PLEKHG3: variants seen among roughly 807,000 people sequenced by gnomAD.
The protein encoded by PLEKHG3 is pleckstrin homology and RhoGEF domain containing G3.
A neutral mutation model predicts 94.9 loss-of-function variants in PLEKHG3; 62 were observed. That is an observed-to-expected ratio of 0.65 (90% CI 0.53 to 0.81). The LOEUF is 0.81. Ranked by LOEUF, PLEKHG3 falls within the 30% of genes least tolerant of loss-of-function variation. PLEKHG3 has a pLI of 0.00. For synonymous variants in PLEKHG3, 614 were observed against 654.0 expected (o/e 0.94, Z 0.93); for missense variants, 1,461 against 1,619.3 (o/e 0.90, Z 1.68).
rs2081202848 is a variant in PLEKHG3, at chr14:64,718,244, G to A, written c.-39-9349G>A. On this transcript the variant is annotated intron_variant, in intron 1 of 16. Coordinates refer to ENST00000247226, the MANE Select transcript of PLEKHG3 (RefSeq NM_001308147.2). The surrounding 1 kb of genome is among the most constrained non-coding windows in gnomAD (Gnocchi z 5.0). ...CAAGGCATTGTTTTGTGAATACTCT[G>A]TTTATATGGCCATTTTTCCTTCTGA... Among the ~76,000 whole-genome samples, 1 of 152,162 alleles carries A rather than the reference G, an allele frequency of 6.6e-6. No homozygotes were observed. The highest frequency in any genetic ancestry group is 1.5e-5 in the Non-Finnish European group (1 of 68,042).
In PLEKHG3 at chr14:64,727,690, C is replaced by G. The variant is rs2081378466; in HGVS notation, c.59C>G (p.Thr20Ser). Reference sequence around the variant, plus strand: ...AGCCAGGAGCGGCCGGTGAGCCTGACCTCTACCACCTCCTCGTCGGGCTCC... The same window carrying G: ...AGCCAGGAGCGGCCGGTGAGCCTGAGCTCTACCACCTCCTCGTCGGGCTCC... ...DGSQERPVSLTSTTSSSGSSC... is the reference protein window; with the variant it reads ...DGSQERPVSLSSTTSSSGSSC... The change falls in exon 2 of 17, where the codon ACC becomes AGC. Residue 20 changes from threonine (T) to serine (S), a missense_variant. Coordinates refer to ENST00000247226, the MANE Select transcript of PLEKHG3 (RefSeq NM_001308147.2). The surrounding 1 kb of genome is among the most constrained non-coding windows in gnomAD (Gnocchi z 6.0). The G allele has an allele frequency of 6.2e-7, 1 of 1,612,452 alleles. No individual in the cohort carries two copies. Among genetic ancestry groups the G allele is most frequent in the South Asian group, 1.1e-5 (1 of 91,048 alleles).
At chr14:64,737,302 C>T (rs778574625) in intron 13 of PLEKHG3, 54 bp from the exon 14 acceptor site, 67 of 1,441,006 alleles carry the variant, frequency 4.6e-5, no homozygotes, top group Non-Finnish European at 1.3e-5. Flanking sequence ...CTCTTCCCCT[C>T]CCCTCCCCTG....
chr14:64,716,703 C>T lies in PLEKHG3; in HGVS notation c.-39-10890C>T, dbSNP rs1437906830. Among the ~76,000 whole-genome samples the T allele has an allele frequency of 6.6e-6, 1 of 152,106 alleles. No individual in the cohort carries two copies. The highest frequency in any genetic ancestry group is 1.5e-5 in the Non-Finnish European group (1 of 68,016). On this transcript the variant is annotated intron_variant, in intron 1 of 16. Transcript: ENST00000247226. The surrounding 1 kb of genome is among the most constrained non-coding windows in gnomAD (Gnocchi z 5.0). Reference sequence around the variant, plus strand: ...GTCTCCTCCCTGGTGGGCAGCGGACCCCGACCCTGGCACCCACCACTTCAT... The same window carrying T: ...GTCTCCTCCCTGGTGGGCAGCGGACTCCGACCCTGGCACCCACCACTTCAT...
rs1371968631 is a variant in PLEKHG3, at chr14:64,717,062, G to A, written c.-39-10531G>A. Among the ~76,000 whole-genome samples, 1 of 152,156 alleles carries A rather than the reference G, an allele frequency of 6.6e-6. No individual in the cohort carries two copies. The highest frequency in any genetic ancestry group is 1.9e-4 in the East Asian group (1 of 5,188). On this transcript the variant is annotated intron_variant, in intron 1 of 16. Coordinates refer to ENST00000247226, the MANE Select transcript of PLEKHG3 (RefSeq NM_001308147.2). This position sits in a 1 kb window ranked among gnomAD's most constrained non-coding sequence, Gnocchi z 4.7. ...CCCTGGGCCCTGTAGGATAGGGGAA[G>A]TGTGTGTGGCCCTGCTGGCTGAAGG...
intron 1 of PLEKHG3, among the ~76,000 whole-genome samples, chr14:64,706,628 C>A (rs868348825): frequency 5.9e-5 from 9 of 152,224 alleles, no homozygotes; most frequent in African/African-American, 2.2e-4. Flanking sequence ...CACAAGGAGA[C>A]GTTAGATACC....
At chr14:64,733,196 G>C (rs1274643238) in intron 12 of PLEKHG3, among the ~76,000 whole-genome samples, 1 of 127,756 alleles carries the variant, frequency 7.8e-6, no homozygotes, top group Non-Finnish European at 1.6e-5. Context: ...ATGGAGTCTT[G>C]CTCTGTTGCC....
rs1485113430 is a variant in PLEKHG3, at chr14:64,741,022, C to T, written c.1519-14C>T. On this transcript the variant is annotated splice_polypyrimidine_tract_variant and intron_variant, in intron 15 of 16. Coordinates refer to ENST00000247226, the MANE Select transcript of PLEKHG3 (RefSeq NM_001308147.2). ...GGCTTTTTACTCATGTGAGCCTTTT[C>T]TGCTATGTTTCAGGTTGAGCCGGAC... 1.3e-6 allele frequency: 2 copies of T among 1,551,998 alleles called. No homozygotes were observed. The highest frequency in any genetic ancestry group is 8.7e-7 in the Non-Finnish European group (1 of 1,148,208).
Position 64,732,320 on chromosome 14 carries a change from T to G in PLEKHG3, c.1213-107T>G. 7.9e-7 allele frequency: 1 copy of G among 1,261,616 alleles called. No homozygotes were observed. Among genetic ancestry groups the G allele is most frequent in the Non-Finnish European group, 1.2e-6 (1 of 860,508 alleles). 78.2% of individuals were successfully genotyped at this position (1,261,616 alleles called of 1,614,324 possible). On this transcript the variant is annotated intron_variant, in intron 10 of 16. Coordinates refer to ENST00000247226, the MANE Select transcript of PLEKHG3 (RefSeq NM_001308147.2). This position sits in a 1 kb window ranked among gnomAD's most constrained non-coding sequence, Gnocchi z 4.9. ...GTCAGTACAGCAGATGCCCCGGGCC[T>G]TGGTGCAGCACTGTGGGGTGTCCTC...
rs1166544853 is a variant in PLEKHG3 at position 64,715,450 on chromosome 14, T to G, written c.-40+10746T>G. Among the ~76,000 whole-genome samples the G allele has an allele frequency of 6.6e-6, 1 of 152,142 alleles. No individual in the cohort carries two copies. The highest frequency in any genetic ancestry group is 1.5e-5 in the Non-Finnish European group (1 of 68,018). ...GTGTTTTGCCTTATGTCTGGTATAC[T>G]CGAATAAATGCTAGCTGAGGTTATT... On this transcript the variant is annotated intron_variant, in intron 1 of 16. Transcript: ENST00000247226. This position sits in a 1 kb window ranked among gnomAD's most constrained non-coding sequence, Gnocchi z 4.4.
rs1215541932 is a variant in PLEKHG3 at position 64,741,285 on chromosome 14, C to G, written c.1768C>G (p.Pro590Ala). ...AGAAATGGGAGGTGCCGCCCAGGAG[C>G]CTGAGAGCCTTCTGCCACCCTCTGT... ...EEEMGGAAQEPESLLPPSVLD... is the reference protein window; with the variant it reads ...EEEMGGAAQEAESLLPPSVLD... The change falls in exon 16 of 17, where the codon CCT (proline) becomes GCT (alanine). Residue 590 changes from proline (P) to alanine (A), a missense_variant. By Grantham distance (27) the Pro-to-Ala change is conservative (BLOSUM62 -1). This residue lies in a region of PLEKHG3 where 1,201 missense variants were observed against 1,295.5 expected (regional missense o/e 0.93). Transcript: ENST00000247226. 6.2e-7 allele frequency: 1 copy of G among 1,613,812 alleles called. No individual in the cohort carries two copies. The highest frequency in any genetic ancestry group is 8.5e-7 in the Non-Finnish European group (1 of 1,180,010).
intron 15 of PLEKHG3, among the ~76,000 whole-genome samples, chr14:64,740,054 A>G (rs143479407): frequency 2.8e-4 from 43 of 152,368 alleles, no homozygotes; most frequent in Middle Eastern, 6.8e-3. Context: ...CATGTAATCA[A>G]CATAAAAAGT....
intron 1 of PLEKHG3, among the ~76,000 whole-genome samples, chr14:64,710,989 G>A (rs185948420): frequency 1.3e-5 from 2 of 152,186 alleles, no homozygotes; most frequent in Admixed American, 6.5e-5. Context: ...AGTGTGTAAC[G>A]GATTTTTAAA....
rs2081917463 is a variant in PLEKHG3, at chr14:64,749,882, C to T, written c.*6179C>T. On this transcript the variant is annotated 3_prime_UTR_variant, in exon 17 of 17. Coordinates refer to ENST00000247226, the MANE Select transcript of PLEKHG3 (RefSeq NM_001308147.2). The surrounding 1 kb of genome is among the most constrained non-coding windows in gnomAD (Gnocchi z 4.7). ...GATTTGAAAAACCCCTGAGGAGCAG[C>T]TCAGGCCTGGCACTGGTCCCCTACA... The T allele has an allele frequency of 1.9e-6, 3 of 1,555,660 alleles. No individual in the cohort carries two copies. Among genetic ancestry groups the T allele is most frequent in the South Asian group, 1.1e-5 (1 of 89,410 alleles).
chr14:64,742,417 G>C lies in PLEKHG3; in HGVS notation c.2900G>C (p.Cys967Ser). 6.2e-7 allele frequency: 1 copy of C among 1,612,130 alleles called. No individual in the cohort carries two copies. Among genetic ancestry groups the C allele is most frequent in the South Asian group, 1.1e-5 (1 of 91,074 alleles). ...ERDGKSPTVP[C>S]LQEEAGEPLG... ...GATGGGAAGAGCCCCACTGTGCCCT[G>C]TCTACAGGAAGAGGCTGGAGAGCCA... The change falls in exon 16 of 17, where the codon TGT becomes TCT. Residue 967 changes from cysteine (C) to serine (S), a missense_variant. By Grantham distance (112) the Cys-to-Ser change is moderately radical. Around this residue, in one of 3 missense-constraint regions of PLEKHG3, gnomAD observed 1,201 missense variants for 1,295.5 expected, o/e 0.93. Coordinates refer to ENST00000247226, the MANE Select transcript of PLEKHG3 (RefSeq NM_001308147.2).
rs145799722 is a variant in PLEKHG3, at chr14:64,743,107, G to C, written c.3064G>C (p.Val1022Leu). 6.2e-7 allele frequency: 1 copy of C among 1,612,792 alleles called. No individual in the cohort carries two copies. The highest frequency in any genetic ancestry group is 1.1e-5 in the South Asian group (1 of 91,086). Residue 1022 changes from valine (V) to leucine (L), a missense_variant, in exon 17 of 17, where the codon GTC becomes CTC. By Grantham distance (32) the Val-to-Leu change is conservative. Coordinates refer to ENST00000247226, the MANE Select transcript of PLEKHG3 (RefSeq NM_001308147.2). The surrounding 1 kb of genome is among the most constrained non-coding windows in gnomAD (Gnocchi z 7.2). Reference protein sequence around the residue: ...PQRFFFNPSAVSQRTTSPGGR... With the variant: ...PQRFFFNPSALSQRTTSPGGR... ...GCGTTTCTTCTTCAACCCGTCTGCTGTCAGCCAGAGGACCACCTCGCCTGG... is the reference window on the plus strand; with the variant it reads ...GCGTTTCTTCTTCAACCCGTCTGCTCTCAGCCAGAGGACCACCTCGCCTGG...
intron 1 of PLEKHG3, among the ~76,000 whole-genome samples, chr14:64,711,722 T>C (rs1281829901): frequency 6.6e-6 from 1 of 152,242 alleles, no homozygotes; most frequent in Non-Finnish European, 1.5e-5. Flanking sequence ...AAGAGTTCTT[T>C]ATATATTCTG....
At chr14:64,719,406 A>G (rs1594671409) in intron 1 of PLEKHG3, among the ~76,000 whole-genome samples, 1 of 151,932 alleles carries the variant, frequency 6.6e-6, no homozygotes, top group African/African-American at 2.4e-5. Flanking sequence ...TACTTGTGTC[A>G]TCTCAACCTT....
In PLEKHG3 at chr14:64,730,577, G is replaced by C. The variant is rs1291897895; in HGVS notation, c.520-65G>C. ...TGCTCTGGGGGCCAGGGGCCTATCT[G>C]CTACCACCATCTTTACTGTCAAATG... On this transcript the variant is annotated intron_variant, in intron 4 of 16. Coordinates refer to ENST00000247226, the MANE Select transcript of PLEKHG3 (RefSeq NM_001308147.2). The surrounding 1 kb of genome is among the most constrained non-coding windows in gnomAD (Gnocchi z 5.4). 1 of 1,387,408 alleles carries C rather than the reference G, an allele frequency of 7.2e-7. No individual in the cohort carries two copies. Among genetic ancestry groups the C allele is most frequent in the Non-Finnish European group, 1.0e-6 (1 of 975,940 alleles). The allele number at this position is 1,387,408 out of a possible 1,614,324, so 85.9% of individuals were successfully genotyped here.
chr14:64,742,227 C>T lies in PLEKHG3; in HGVS notation c.2710C>T (p.His904Tyr). ...STQGELVAPL[H>Y]PRIVQLSHVM... ...CCAGGGGGAGCTGGTGGCCCCACTG[C>T]ACCCCCGCATCGTGCAGCTCTCCCA... Residue 904 changes from histidine (H) to tyrosine (Y), a missense_variant, in exon 16 of 17, where the codon CAC becomes TAC. Physicochemically the swap from His to Tyr is moderately conservative, Grantham distance 83. Coordinates refer to ENST00000247226, the MANE Select transcript of PLEKHG3 (RefSeq NM_001308147.2). 1 of 1,613,018 alleles carries T rather than the reference C, an allele frequency of 6.2e-7. No individual in the cohort carries two copies. Among genetic ancestry groups the T allele is most frequent in the South Asian group, 1.1e-5 (1 of 91,082 alleles).
Sources: allele counts gnomAD v4.1 joint callset (sites outside exome capture counted in the v4.1 genomes callset), GRCh38; gene constraint gnomAD v4.1.1; regional missense constraint gnomAD v4.1.1; non-coding constraint Gnocchi (gnomAD v3.1); transcripts MANE v1.5; gene names NCBI Gene and HGNC (gene_info 2026-07-23, HGNC 2026-07-21).